NAV2: variants seen among roughly 807,000 people sequenced by gnomAD.
NAV2 encodes the protein helicase, APC down-regulated 1.
Under a neutral mutation model 223.2 loss-of-function variants are expected in NAV2, and 54 were observed. The observed-to-expected ratio is 0.24, with a 90% confidence interval of 0.19 to 0.30. The LOEUF is 0.30. NAV2 is among the 10% of genes least tolerant of loss of function. NAV2 has a pLI of 1.00. For missense variants in NAV2, 2,806 were observed against 3,147.5 expected (o/e 0.89, Z 2.60); for synonymous variants, 1,279 against 1,239.3 (o/e 1.03, Z -0.67).
At chr11:20,103,210 T>C in intron 32 of NAV2, 45 bp from the exon 33 acceptor site, 32 of 1,578,322 alleles carry the variant, frequency 2.0e-5, no homozygotes, top group Non-Finnish European at 2.8e-5. Context: ...CTTCACTGAG[T>C]GCATTCACCC....
At chr11:20,071,110 C>CA (rs1456465768) in intron 22 of NAV2, among the ~76,000 whole-genome samples, 1 of 138,618 alleles carries the variant, frequency 7.2e-6, no homozygotes, top group Non-Finnish European at 1.5e-5. Context: ...CCCCTAGCCC[C>CA]CCACCCCCCG....
At chr11:19,710,242 C>T (rs1220135752), upstream of NAV2, among the ~76,000 whole-genome samples, 5 of 152,142 alleles carry the variant, frequency 3.3e-5, no homozygotes, top group Non-Finnish European at 5.9e-5. Context: ...CAGTAGATGG[C>T]CCTTAAGATG....
intron 1 of NAV2, among the ~76,000 whole-genome samples, chr11:19,443,881 T>A (rs532676882): frequency 2.0e-5 from 3 of 152,342 alleles, no homozygotes; most frequent in East Asian, 1.9e-4. Context: ...CTAGTATAGA[T>A]GCGTAGTGAG....
intron 1 of NAV2, among the ~76,000 whole-genome samples, chr11:19,816,156 G>A (rs2059079427): frequency 6.6e-6 from 1 of 152,190 alleles, no homozygotes; most frequent in Non-Finnish European, 1.5e-5. Flanking sequence ...CTGGAGAAGG[G>A]CCCGGGGCAC....
chr11:19,363,423 A>C (rs1488797116), intron 1 of NAV2, among the ~76,000 whole-genome samples: 7 of 152,146 alleles, frequency 4.6e-5, no homozygotes, highest in Non-Finnish European at 1.0e-4. Context: ...TATTATCATC[A>C]TCCTCATTTT....
intron 1 of NAV2, among the ~76,000 whole-genome samples, chr11:19,765,785 T>C (rs1433847298): frequency 2.0e-5 from 3 of 152,172 alleles, no homozygotes; most frequent in Non-Finnish European, 4.4e-5. Context: ...TCCATGTGGC[T>C]TGCTTCCTGC....
intron 37 of NAV2, among the ~76,000 whole-genome samples, chr11:20,116,019 A>G (rs1486624470): frequency 6.6e-6 from 1 of 152,232 alleles, no homozygotes; most frequent in Non-Finnish European, 1.5e-5. Context: ...AATTAGACCT[A>G]ACAAATCAAA....
intron 11 of NAV2, among the ~76,000 whole-genome samples, chr11:19,994,553 A>G (rs577575614): frequency 1.7e-4 from 22 of 128,178 alleles, no homozygotes; most frequent in African/African-American, 6.8e-4. Flanking sequence ...TGTCTCAAAG[A>G]AAAAAAAAAA....
chr11:19,530,743 T>C (rs1212953854), intron 1 of NAV2, among the ~76,000 whole-genome samples: 1 of 152,264 alleles, frequency 6.6e-6, no homozygotes, highest in Non-Finnish European at 1.5e-5. Context: ...GCACCTGCTA[T>C]GTGTCATGGA....
At chr11:19,548,371 G>T (rs767947952) in intron 1 of NAV2, among the ~76,000 whole-genome samples, 67 of 152,266 alleles carry the variant, frequency 4.4e-4, no homozygotes, top group Non-Finnish European at 8.8e-4. Context: ...AGAGACCTGT[G>T]CCTATATACC....
At chr11:20,011,193 A>T (rs776258083) in intron 11 of NAV2, among the ~76,000 whole-genome samples, 1 of 152,138 alleles carries the variant, frequency 6.6e-6, no homozygotes, top group Non-Finnish European at 1.5e-5. Context: ...TAAAAAAATG[A>T]GTTTTGGTGA....
chr11:20,060,076 A>C (rs1444761696), intron 19 of NAV2, among the ~76,000 whole-genome samples: 1 of 152,258 alleles, frequency 6.6e-6, no homozygotes, highest in Non-Finnish European at 1.5e-5. Flanking sequence ...CCTCTACCTT[A>C]AGCCTGCCAG....
At chr11:19,784,462 T>C (rs1486597122) in intron 1 of NAV2, among the ~76,000 whole-genome samples, 2 of 143,508 alleles carry the variant, frequency 1.4e-5, no homozygotes, top group African/African-American at 5.2e-5. Flanking sequence ...ATAATAATAA[T>C]AGTAATTATT....
chr11:19,890,424 A>C (rs2041407206), intron 5 of NAV2, among the ~76,000 whole-genome samples: 1 of 152,148 alleles, frequency 6.6e-6, no homozygotes, highest in Admixed American at 6.5e-5. Context: ...CTCTCCAGCA[A>C]CTCTGAAAGA....
At chr11:19,382,081 G>C (rs541206973) in intron 1 of NAV2, among the ~76,000 whole-genome samples, 3 of 152,176 alleles carry the variant, frequency 2.0e-5, no homozygotes, top group African/African-American at 7.2e-5. Flanking sequence ...CTTCCAGGGG[G>C]CTGCCTTATG....
At chr11:20,116,867 TCC>T (rs1447681387) in intron 37 of NAV2, among the ~76,000 whole-genome samples, 1 of 152,222 alleles carries the variant, frequency 6.6e-6, no homozygotes. Flanking sequence ...GACTGAGACT[TCC>T]ATGAAAACAG....
At chr11:19,408,096 G>A (rs530150178) in intron 1 of NAV2, among the ~76,000 whole-genome samples, 5 of 152,240 alleles carry the variant, frequency 3.3e-5, no homozygotes, top group South Asian at 4.2e-4. Flanking sequence ...GTAATGAAGC[G>A]AGCTTTAACT....
intron 1 of NAV2, chr11:19,502,610 A>G (rs543333444): frequency 6.6e-6 from 1 of 152,340 alleles, no homozygotes; most frequent in African/African-American, 2.4e-5. Flanking sequence ...CATTTGTTGG[A>G]TGGGGCAAAG....
chr11:19,832,623 G>C (rs774950736), intron 2 of NAV2, 22 bp downstream of exon 2: 2 of 1,595,618 alleles, frequency 1.3e-6, no homozygotes, highest in African/African-American at 1.3e-5. Context: ...TTTTACCTTG[G>C]GGGTAATGAG....
Sources: allele counts gnomAD v4.1 joint callset (sites outside exome capture counted in the v4.1 genomes callset), GRCh38; gene constraint gnomAD v4.1.1; transcripts MANE v1.5; gene names NCBI Gene and HGNC (gene_info 2026-07-23, HGNC 2026-07-21).